FBXL17: variants seen among roughly 807,000 people sequenced by gnomAD.
FBXL17 encodes F-box and leucine rich repeat protein 17, also known as F-box/LRR-repeat protein 17.
FBXL17 carries 22 observed loss-of-function variants against 66.2 expected under a neutral mutation model. That is an observed-to-expected ratio of 0.33 (90% CI 0.24 to 0.47). The LOEUF is 0.47. FBXL17 is among the 20% of genes least tolerant of loss of function. The pLI, the probability that FBXL17 is intolerant of heterozygous loss-of-function variation, is 1.00. For synonymous variants in FBXL17, 474 were observed against 400.5 expected (o/e 1.18, Z -2.19); for missense variants, 878 against 948.2 (o/e 0.93, Z 0.97).
chr5:108,072,851 T>G (rs142566789), intron 6 of FBXL17, among the ~76,000 whole-genome samples: 143 of 152,328 alleles, frequency 9.4e-4, no homozygotes, highest in Middle Eastern at 3.4e-3. Context: ...ATTTACCTTC[T>G]CTGATATGAA....
intron 7 of FBXL17, among the ~76,000 whole-genome samples, chr5:108,000,471 T>TTCTTTA (rs1382442068): frequency 5.9e-5 from 9 of 152,174 alleles, no homozygotes; most frequent in African/African-American, 2.2e-4. Context: ...CCAAGGAAAA[T>TTCTTTA]CCAGTCTGTT....
chr5:108,277,943 T>A (rs76372283), intron 4 of FBXL17, among the ~76,000 whole-genome samples: 1,693 of 152,340 alleles, frequency 0.011, 16 homozygotes, highest in Non-Finnish European at 0.016. Context: ...GCATGCCTCA[T>A]TTGCTTAGAA....
At chr5:108,007,584 A>G (rs569545719) in intron 7 of FBXL17, among the ~76,000 whole-genome samples, 1 of 152,310 alleles carries the variant, frequency 6.6e-6, no homozygotes, top group South Asian at 2.1e-4. Flanking sequence ...AAAATGTCTT[A>G]AAGGACCTTC....
intron 6 of FBXL17, among the ~76,000 whole-genome samples, chr5:108,060,067 A>C (rs1016781256): frequency 2.0e-5 from 3 of 150,872 alleles, no homozygotes; most frequent in African/African-American, 7.3e-5. Context: ...TATAAAACAT[A>C]TGAATATATA....
At chr5:107,875,700 A>T (rs534636881) in intron 8 of FBXL17, among the ~76,000 whole-genome samples, 1 of 152,382 alleles carries the variant, frequency 6.6e-6, no homozygotes, top group South Asian at 2.1e-4. Context: ...CCTGTAGAAT[A>T]CAGCAACATT....
intron 8 of FBXL17, among the ~76,000 whole-genome samples, chr5:107,867,500 A>G (rs1748309321): frequency 6.6e-6 from 1 of 152,262 alleles, no homozygotes; most frequent in Non-Finnish European, 1.5e-5. Context: ...AACCCCACAC[A>G]GTTCAGAGGA....
At chr5:108,196,377 C>G (rs1428190961) in intron 5 of FBXL17, among the ~76,000 whole-genome samples, 1 of 152,132 alleles carries the variant, frequency 6.6e-6, no homozygotes, top group African/African-American at 2.4e-5. Context: ...CCTGGGATGC[C>G]AGCATTCAGA....
At chr5:108,101,492 T>C (rs1451856479) in intron 6 of FBXL17, among the ~76,000 whole-genome samples, 2 of 152,224 alleles carry the variant, frequency 1.3e-5, no homozygotes, top group Non-Finnish European at 2.9e-5. Context: ...CATGAACAAG[T>C]GTTTTGTATG....
rs1314308022 is a variant in FBXL17, at chr5:108,234,701, T to C, written c.1507-10473A>G. ...TAGAATCGGTGTGGTACTGATGGTA[T>C]GATAGTCTTGTATGTCCTGAGAACT... On this transcript the variant is annotated intron_variant, in intron 4 of 8. Coordinates refer to ENST00000542267, the MANE Select transcript of FBXL17 (RefSeq NM_001163315.3). Among the ~76,000 whole-genome samples the C allele has an allele frequency of 2.0e-5, 3 of 152,212 alleles. No individual in the cohort carries two copies. The East Asian group carries it at 5.8e-4, about 29-fold the overall frequency.
chr5:108,163,916 T>G (rs1752315765), intron 6 of FBXL17, among the ~76,000 whole-genome samples: 1 of 152,212 alleles, frequency 6.6e-6, no homozygotes, highest in Non-Finnish European at 1.5e-5. Flanking sequence ...TTGGTTATCT[T>G]AACGCAACAT....
intron 6 of FBXL17, among the ~76,000 whole-genome samples, chr5:108,076,547 T>C (rs1028734839): frequency 1.2e-4 from 15 of 127,896 alleles, no homozygotes; most frequent in African/African-American, 3.8e-4. Context: ...GCATAAAATG[T>C]GATTTTTTTA....
chr5:108,074,798 T>C lies in FBXL17; in HGVS notation c.1746-53797A>G, dbSNP rs189749784. On this transcript the variant is annotated intron_variant, in intron 6 of 8. Coordinates refer to ENST00000542267, the MANE Select transcript of FBXL17 (RefSeq NM_001163315.3). ...TTACTTTGTACTATGAGAGAACACT[T>C]GACCTTTGTATCTGTGATGGCTGAC... Among the ~76,000 whole-genome samples the C allele has an allele frequency of 3.3e-4, 50 of 152,318 alleles. 1 individual carries two copies. In the East Asian group the frequency reaches 9.3e-3, roughly 28 times the overall value.
chr5:108,132,341 T>A (rs1427905867), intron 6 of FBXL17, among the ~76,000 whole-genome samples: 1 of 152,224 alleles, frequency 6.6e-6, no homozygotes, highest in Non-Finnish European at 1.5e-5. Context: ...ATCAAAATTA[T>A]CTCTTACAGA....
chr5:107,867,833 C>A (rs1748319893), intron 8 of FBXL17, among the ~76,000 whole-genome samples: 1 of 152,158 alleles, frequency 6.6e-6, no homozygotes, highest in Non-Finnish European at 1.5e-5. Flanking sequence ...ATGGCAATCT[C>A]AGATAAGGAG....
chr5:108,359,776 T>C (rs970988019), intron 3 of FBXL17, among the ~76,000 whole-genome samples: 2 of 152,146 alleles, frequency 1.3e-5, no homozygotes, highest in African/African-American at 4.8e-5. Context: ...TCTTTTGTTG[T>C]TGAGTGTACT....
intron 4 of FBXL17, among the ~76,000 whole-genome samples, chr5:108,336,267 A>G (rs1760378949): frequency 1.3e-5 from 2 of 152,334 alleles, no homozygotes; most frequent in South Asian, 2.1e-4. Flanking sequence ...GGTGTTCTGA[A>G]CTAAATTTAA....
intron 3 of FBXL17, among the ~76,000 whole-genome samples, chr5:108,352,747 G>A (rs1561547226): frequency 6.6e-6 from 1 of 152,156 alleles, no homozygotes; most frequent in Non-Finnish European, 1.5e-5. Context: ...CTGACCTCAT[G>A]ATCCGCCCGC....
At chr5:108,274,704 G>C (rs1262217559) in intron 4 of FBXL17, among the ~76,000 whole-genome samples, 2 of 152,144 alleles carry the variant, frequency 1.3e-5, no homozygotes, top group South Asian at 2.1e-4. Context: ...TTGTAGTAAA[G>C]ACAGGCATAA....
In FBXL17 at chr5:108,273,104, T is replaced by G. The variant is rs1580725963; in HGVS notation, c.1507-48876A>C. ...TAGGGAGTTTCAAAAGGGGAGGGAG[T>G]GCGCAAATAGGTGTGGGTCACAGAC... On this transcript the variant is annotated intron_variant, in intron 4 of 8. Transcript: ENST00000542267. Among the ~76,000 whole-genome samples the G allele has an allele frequency of 2.0e-5, 3 of 146,498 alleles. 1 individual carries two copies. The highest frequency in any genetic ancestry group is 2.2e-4 in the South Asian group (1 of 4,584).
Sources: allele counts gnomAD v4.1 joint callset (sites outside exome capture counted in the v4.1 genomes callset), GRCh38; gene constraint gnomAD v4.1.1; transcripts MANE v1.5; gene names NCBI Gene and HGNC (gene_info 2026-07-23, HGNC 2026-07-21).